The following BACH1 variants were observed in gnomAD, a reference collection of about 807,000 sequenced individuals.
The protein encoded by BACH1 is transcription regulator protein BACH1.
Under a neutral mutation model 52.9 loss-of-function variants are expected in BACH1, and 35 were observed. The ratio of observed to expected loss-of-function variants is 0.66; its 90% confidence interval spans 0.51 to 0.88. BACH1 has a LOEUF of 0.88. BACH1 is among the 40% of genes least tolerant of loss of function. BACH1 has a pLI of 0.00. For missense variants in BACH1, 808 were observed against 872.6 expected, an observed-to-expected ratio of 0.93 and a Z score of 0.93; for synonymous variants, 321 against 319.6, an observed-to-expected ratio of 1.00 and a Z score of -0.05.
At chr21:29,316,255 T>C (rs2088785162) in intron 1 of BACH1, among the ~76,000 whole-genome samples, 1 of 152,198 alleles carries the variant, frequency 6.6e-6, no homozygotes, top group Non-Finnish European at 1.5e-5. Context: ...TTCTGTATGA[T>C]TTTGAAAGCA....
intron 2 of BACH1, among the ~76,000 whole-genome samples, chr21:29,360,582 C>T (rs764725428): frequency 2.0e-5 from 3 of 152,124 alleles, no homozygotes; most frequent in South Asian, 2.1e-4. Context: ...CAGTGGCTCA[C>T]GCCTGTAATC....
intron 1 of BACH1, among the ~76,000 whole-genome samples, chr21:29,313,630 C>T (rs1438352176): frequency 6.6e-6 from 1 of 152,146 alleles, no homozygotes; most frequent in Non-Finnish European, 1.5e-5. Context: ...TACAAAGGAA[C>T]ATCTGATGTA....
At chr21:29,328,251 A>C (rs576531341) in intron 3 of BACH1, among the ~76,000 whole-genome samples, 1 of 152,298 alleles carries the variant, frequency 6.6e-6, no homozygotes, top group Non-Finnish European at 1.5e-5. Flanking sequence ...CATGAGTTAC[A>C]TGTAGCTGGT....
In BACH1 at chr21:29,344,994, C is replaced by T. The variant is rs768966846; in HGVS notation, c.*2161C>T. 1.3e-5 allele frequency: 2 copies of T among 152,622 alleles called. No homozygotes were observed. Among genetic ancestry groups the T allele is most frequent in the Non-Finnish European group, 1.5e-5 (1 of 68,022 alleles). The allele number at this position is 152,622 out of a possible 1,614,324, so 9.5% of individuals were successfully genotyped here. A position where few individuals can be genotyped will look rare whatever the true frequency, so the allele number is the denominator to read the frequency against. On this transcript the variant is annotated 3_prime_UTR_variant, in exon 5 of 5. Coordinates refer to ENST00000286800, the MANE Select transcript of BACH1 (RefSeq NM_001186.4). ...TAAAGCACTTGGTTTAAATTTCTCT[C>T]TACCTATAAACAGTTTAGCATTAAG...
chr21:29,307,264 A>G (rs1412794505), intron 1 of BACH1, among the ~76,000 whole-genome samples: 1 of 152,242 alleles, frequency 6.6e-6, no homozygotes, highest in East Asian at 1.9e-4. Context: ...CTTATTCGTC[A>G]TTCTTTTCAG....
At position 29,321,249 on chromosome 21, in the gene BACH1, A is replaced by G. The variant is rs1314264023; in HGVS notation, c.-32A>G. 2.6e-6 allele frequency: 4 copies of G among 1,560,896 alleles called. No homozygotes were observed. Among genetic ancestry groups the G allele is most frequent in the Non-Finnish European group, 3.5e-6 (4 of 1,132,226 alleles). On this transcript the variant is annotated 5_prime_UTR_variant, in exon 2 of 5. Transcript: ENST00000286800. The stretch of plus-strand genomic sequence containing the variant: ...GATGATAATTAGAAGCATGCTTTCC[A>G]CTGAACTTCCCGACAACATTTGTTA...
intron 1 of BACH1, among the ~76,000 whole-genome samples, chr21:29,318,763 G>C (rs1449962984): frequency 1.3e-5 from 2 of 152,166 alleles, no homozygotes; most frequent in Non-Finnish European, 2.9e-5. Context: ...GAGTCACCTT[G>C]AGATTCAAAG....
intron 1 of BACH1, among the ~76,000 whole-genome samples, chr21:29,301,158 G>A (rs1383681567): frequency 6.6e-6 from 1 of 152,158 alleles, no homozygotes; most frequent in African/African-American, 2.4e-5. Context: ...GTTCCTTTAA[G>A]TCTGGGACTA....
Position 29,345,454 on chromosome 21 carries a change from A to AT in BACH1, c.*2627dup, listed in dbSNP as rs1365567326. 1.3e-5 allele frequency: 2 copies of AT among 152,306 alleles called. No homozygotes were observed. The highest frequency in any genetic ancestry group is 3.9e-4 in the East Asian group (2 of 5,188). 9.4% of individuals were successfully genotyped at this position (152,306 alleles called of 1,614,324 possible). ...GAACTGGCCTTCTCAATGTTTGATG[A>AT]TTTTTTAAAAGCTGTTATGTTGAAT... is the stretch of plus-strand genomic sequence containing the variant. On this transcript the variant is annotated 3_prime_UTR_variant, in exon 5 of 5. Coordinates refer to ENST00000286800, the MANE Select transcript of BACH1 (RefSeq NM_001186.4).
chr21:29,307,723 A>T (rs1272586397), intron 1 of BACH1, among the ~76,000 whole-genome samples: 1 of 152,166 alleles, frequency 6.6e-6, no homozygotes. Context: ...GGGTTCTTGG[A>T]ATGTATCCCC....
At chr21:29,319,179 A>G (rs907113198) in intron 1 of BACH1, among the ~76,000 whole-genome samples, 7 of 152,228 alleles carry the variant, frequency 4.6e-5, no homozygotes, top group Non-Finnish European at 7.3e-5. Context: ...TTACAGCTTA[A>G]TAATCTTGCC....
intron 2 of BACH1, chr21:29,359,075 C>T (rs930364111): frequency 1.3e-5 from 2 of 151,746 alleles, no homozygotes; most frequent in Non-Finnish European, 2.9e-5. Flanking sequence ...TATTATTAAT[C>T]CATAATAATA....
intron 3 of BACH1, among the ~76,000 whole-genome samples, chr21:29,329,122 A>G (rs1249753488): frequency 6.6e-6 from 1 of 152,182 alleles, no homozygotes; most frequent in Non-Finnish European, 1.5e-5. Context: ...AGCTTGGGCA[A>G]CATGGTAAAA....
chr21:29,331,701 C>T (rs1166466972), intron 4 of BACH1, among the ~76,000 whole-genome samples: 1 of 152,070 alleles, frequency 6.6e-6, no homozygotes, highest in Non-Finnish European at 1.5e-5. Context: ...GTTAATTTCT[C>T]TGTGACTTGG....
chr21:29,326,404 A>G lies in BACH1; in HGVS notation c.580A>G (p.Lys194Glu). Residue 194 changes from lysine to glutamate, a missense_variant, in exon 3 of 5, where the codon AAA becomes GAA. Physicochemically the swap from Lys to Glu is moderately conservative, Grantham distance 56. Coordinates refer to ENST00000286800, the MANE Select transcript of BACH1 (RefSeq NM_001186.4). ...CKLRRYQGNA[K>E]ASPPLQDSAS... ...ACTCCGCAGGTATCAAGGAAATGCA[A>G]AAGCCTCACCTCCTCTACAAGACAG... 1.5e-5 allele frequency: 24 copies of G among 1,614,208 alleles called. No individual in the cohort carries two copies. The highest frequency in any genetic ancestry group is 2.0e-5 in the Non-Finnish European group (24 of 1,180,036).
intron 1 of BACH1, among the ~76,000 whole-genome samples, chr21:29,316,874 G>A (rs1153292): frequency 6.6e-6 from 1 of 152,056 alleles, no homozygotes; most frequent in African/African-American, 2.4e-5. Context: ...CCCTCAAGTC[G>A]CTGGAAAAGC....
intron 1 of BACH1, among the ~76,000 whole-genome samples, chr21:29,304,125 T>C (rs1051577348): frequency 5.9e-5 from 9 of 151,884 alleles, no homozygotes; most frequent in Admixed American, 6.6e-5. Flanking sequence ...CCAGTTTTTT[T>C]TTTCTTTTTT....
At chr21:29,346,924 A>T (rs2123482843), downstream of BACH1, among the ~76,000 whole-genome samples, 1 of 152,258 alleles carries the variant, frequency 6.6e-6, no homozygotes, top group Admixed American at 6.5e-5. Context: ...AAAGGAACAG[A>T]AGGAGGTTGT....
chr21:29,350,594 G>A (rs2089196747), downstream of BACH1, among the ~76,000 whole-genome samples: 1 of 152,200 alleles, frequency 6.6e-6, no homozygotes, highest in South Asian at 2.1e-4. Context: ...CAGCATGGTG[G>A]TGTGGAGGCG....
Sources: gnomAD v4.1 joint callset for allele counts (sites outside exome capture counted in the v4.1 genomes callset) on GRCh38, gnomAD v4.1.1 for gene constraint, MANE v1.5 for transcripts, NCBI Gene and HGNC (gene_info 2026-07-23, HGNC 2026-07-21) for gene names.